The following IL20RA variants were observed in gnomAD, a reference collection of about 807,000 sequenced individuals.
IL20RA encodes interleukin-20 receptor subunit alpha.
IL20RA carries 29 observed loss-of-function variants against 36.5 expected under a neutral mutation model. The observed-to-expected ratio is 0.79, with a 90% CI of 0.59 to 1.08. The LOEUF is 1.08. Among genes scored for constraint, IL20RA ranks in the 50% least tolerant of loss-of-function variants. The pLI is 0.00. For synonymous variants in IL20RA, 279 were observed against 267.1 expected, an observed-to-expected ratio of 1.04 and a Z score of -0.43; for missense variants, 652 against 668.4, an observed-to-expected ratio of 0.98 and a Z score of 0.27.
chr6:137,031,173 C>T (rs1776265041), intron 1 of IL20RA, among the ~76,000 whole-genome samples: 1 of 152,188 alleles, frequency 6.6e-6, no homozygotes, highest in African/African-American at 2.4e-5. Flanking sequence ...TAAAACAGCC[C>T]ATTTCCTCCA....
At position 137,004,629 on chromosome 6, in the gene IL20RA, C is replaced by A. The variant is rs1775209587; in HGVS notation, c.856G>T (p.Ala286Ser). Residue 286 changes from alanine to serine, a missense_variant, in exon 6 of 7, where the codon GCA becomes TCA. Ala to Ser is a moderately conservative substitution (Grantham distance 99, BLOSUM62 1). Coordinates refer to ENST00000316649, the MANE Select transcript of IL20RA (RefSeq NM_014432.4). ...YIHVGKEKHP[A>S]NLILIYGNEF... ...CCACACCAAGTACTCACCAAATTTG[C>A]TGGGTGTTTCTCTTTGCCAACGTGG... The A allele has an allele frequency of 1.2e-6, 2 of 1,613,714 alleles. No homozygotes were observed. The highest frequency in any genetic ancestry group is 2.7e-5 in the African/African-American group (2 of 74,988).
At chr6:137,043,559 T>A (rs1776779524) in intron 1 of IL20RA, among the ~76,000 whole-genome samples, 1 of 152,252 alleles carries the variant, frequency 6.6e-6, no homozygotes, top group African/African-American at 2.4e-5. Flanking sequence ...TAAAATATTT[T>A]ATGTATAATA....
In IL20RA at chr6:137,017,014, C is replaced by T. The variant is rs1404308454; in HGVS notation, c.178G>A (p.Glu60Lys). 5.6e-6 allele frequency: 9 copies of T among 1,613,356 alleles called. No individual in the cohort carries two copies. The highest frequency in any genetic ancestry group is 7.6e-6 in the Non-Finnish European group (9 of 1,179,286). Residue 60 changes from glutamate (E) to lysine (K), a missense_variant, in exon 2 of 7, where the codon GAG becomes AAG. Transcript: ENST00000316649. ...MKNVLQWTPP[E>K]GLQGVKVTYT... is the part of the protein sequence containing the mutation. ...GTAACTTTAACTCCTTGAAGACCCT[C>T]TGGTGGAGTCCATTGTAGGACATTC...
chr6:137,008,977 T>C, intron 4 of IL20RA: 1 of 471,836 alleles, frequency 2.1e-6, no homozygotes, highest in Non-Finnish European at 3.7e-6. Context: ...AAACAACACA[T>C]GGATAGAGTT....
chr6:137,032,348 G>A (rs1160119965), intron 1 of IL20RA, among the ~76,000 whole-genome samples: 1 of 152,204 alleles, frequency 6.6e-6, no homozygotes, highest in Non-Finnish European at 1.5e-5. Context: ...GTGAAGTGAT[G>A]GCCTGGTACT....
chr6:137,007,919 T>C (rs1775333900), intron 5 of IL20RA, among the ~76,000 whole-genome samples: 1 of 152,200 alleles, frequency 6.6e-6, no homozygotes, highest in Non-Finnish European at 1.5e-5. Context: ...AGCAATAAAA[T>C]TGTCTGATGT....
intron 2 of IL20RA, 115 bp from the exon 3 acceptor site, chr6:137,011,567 A>C: frequency 1.5e-6 from 1 of 654,648 alleles, no homozygotes; most frequent in Middle Eastern, 4.5e-4. Context: ...AGAAAAACAA[A>C]AGTGCCTGTC....
At chr6:137,042,074 G>A (rs1356977581) in intron 1 of IL20RA, among the ~76,000 whole-genome samples, 1 of 152,212 alleles carries the variant, frequency 6.6e-6, no homozygotes, top group Non-Finnish European at 1.5e-5. Flanking sequence ...ACATTGGCAG[G>A]AGAGGCCAAA....
At chr6:137,044,186 T>G in intron 1 of IL20RA, 1 of 986,582 alleles carries the variant, frequency 1.0e-6, no homozygotes, top group Non-Finnish European at 1.2e-6. Context: ...ACGCGCGGCT[T>G]GCAGGACTGC....
At chr6:137,024,376 CA>C (rs1158590127) in intron 1 of IL20RA, among the ~76,000 whole-genome samples, 1 of 152,196 alleles carries the variant, frequency 6.6e-6, no homozygotes, top group African/African-American at 2.4e-5. Flanking sequence ...ACATTGCTAT[CA>C]GGAAATGTGT....
At chr6:137,025,079 A>G (rs1189240898) in intron 1 of IL20RA, among the ~76,000 whole-genome samples, 2 of 152,200 alleles carry the variant, frequency 1.3e-5, no homozygotes, top group African/African-American at 4.8e-5. Context: ...TGTAGCTTGT[A>G]AGCCACATAG....
intron 2 of IL20RA, among the ~76,000 whole-genome samples, chr6:137,015,144 A>G (rs1444468955): frequency 6.6e-6 from 1 of 152,176 alleles, no homozygotes; most frequent in Non-Finnish European, 1.5e-5. Context: ...CTTCACCAGG[A>G]TATGTCTTGC....
In IL20RA at chr6:137,008,743, A is replaced by G. The variant is rs182207407; in HGVS notation, c.580T>C (p.Trp194Arg). 1 of 1,590,086 alleles carries G rather than the reference A, an allele frequency of 6.3e-7. No homozygotes were observed. The highest frequency in any genetic ancestry group is 8.6e-7 in the Non-Finnish European group (1 of 1,169,006). Residue 194 changes from tryptophan (W) to arginine (R), a missense_variant and splice_region_variant, in exon 5 of 7, where the codon TGG (tryptophan) becomes CGG (arginine). Physicochemically the swap from Trp to Arg is moderately radical, Grantham distance 101. Coordinates refer to ENST00000316649, the MANE Select transcript of IL20RA (RefSeq NM_014432.4). Reference protein sequence around the residue: ...SVLNTKSNRTWSQCVTNHTLV... With the variant: ...SVLNTKSNRTRSQCVTNHTLV... ...GTGTGGTTGGTCACACACTGGGACC[A>G]CTAGGATAGGGAATTGCAAACATTG... is the stretch of plus-strand genomic sequence containing the variant.
intron 1 of IL20RA, among the ~76,000 whole-genome samples, chr6:137,026,795 C>T (rs1188426128): frequency 6.6e-6 from 1 of 152,158 alleles, no homozygotes; most frequent in African/African-American, 2.4e-5. Flanking sequence ...TTTCTTCTGT[C>T]CCAAGTTACG....
intron 1 of IL20RA, among the ~76,000 whole-genome samples, chr6:137,026,500 T>C (rs1471231383): frequency 6.6e-6 from 1 of 152,220 alleles, no homozygotes; most frequent in African/African-American, 2.4e-5. Flanking sequence ...CAGTAACCCA[T>C]GGCATGGCAA....
intron 1 of IL20RA, among the ~76,000 whole-genome samples, chr6:137,019,459 T>C (rs1315939214): frequency 6.6e-6 from 1 of 152,116 alleles, no homozygotes; most frequent in African/African-American, 2.4e-5. Context: ...AGTAAAGAAA[T>C]GACAGAGCTC....
At position 137,032,975 on chromosome 6, in the gene IL20RA, G is replaced by T. The variant is rs143721210; in HGVS notation, c.88+11666C>A. On this transcript the variant is annotated intron_variant, in intron 1 of 6. Coordinates refer to ENST00000316649, the MANE Select transcript of IL20RA (RefSeq NM_014432.4). ...AACAAGAGTAATCAGGATAAAAGCA[G>T]GGCAATAATGAAGAGACGCCCACAA... Among the ~76,000 whole-genome samples the T allele has an allele frequency of 1.9e-3, 290 of 152,256 alleles. 3 individuals carry two copies. In the South Asian group the frequency reaches 0.036, roughly 19 times the overall value.
intron 5 of IL20RA, among the ~76,000 whole-genome samples, chr6:137,007,600 A>G (rs1775323438): frequency 6.6e-6 from 1 of 152,174 alleles, no homozygotes; most frequent in Non-Finnish European, 1.5e-5. Context: ...AGCTCCTCTC[A>G]CTGTGAAGGC....
At chr6:137,041,049 A>G (rs372363464) in intron 1 of IL20RA, among the ~76,000 whole-genome samples, 5 of 152,262 alleles carry the variant, frequency 3.3e-5, no homozygotes, top group East Asian at 3.8e-4. Context: ...CTTTGAAGTG[A>G]CAATTTATGT....
Sources: allele counts gnomAD v4.1 joint callset (sites outside exome capture counted in the v4.1 genomes callset), GRCh38; gene constraint gnomAD v4.1.1; transcripts MANE v1.5; gene names NCBI Gene and HGNC (gene_info 2026-07-23, HGNC 2026-07-21).